The following BRSK2 variants were observed in gnomAD, a reference collection of about 807,000 sequenced individuals.
The protein encoded by BRSK2 is serine/threonine-protein kinase BRSK2.
In BRSK2, 19 loss-of-function variants were observed where a neutral mutation model predicts 83.3. The observed-to-expected ratio is 0.23, with a 90% CI of 0.16 to 0.33. The LOEUF (loss-of-function observed/expected upper bound fraction) is 0.33. Ranked by LOEUF, BRSK2 falls within the 10% of genes least tolerant of loss-of-function variation. The probability of loss-of-function intolerance (pLI) is 1.00; values close to 1 mark genes in which losing one functional copy is unlikely to be tolerated. For missense variants in BRSK2, 798 were observed against 1,042.3 expected (o/e 0.77, Z 3.23); for synonymous variants, 519 against 435.4 (o/e 1.19, Z -2.39).
intron 14 of BRSK2, 79 bp from the exon 15 acceptor site, chr11:1,451,292 C>T: frequency 3.2e-6 from 5 of 1,550,510 alleles, no homozygotes; most frequent in Non-Finnish European, 3.6e-6. Flanking sequence ...ATGACCCTGA[C>T]CTCGGCGCAA....
chr11:1,417,620 C>T (rs1328827732), intron 1 of BRSK2, among the ~76,000 whole-genome samples: 1 of 146,918 alleles, frequency 6.8e-6, no homozygotes, highest in Non-Finnish European at 1.5e-5. Context: ...GAGAGTGGGT[C>T]ACCTGTGTCC....
chr11:1,414,014 G>A (rs1450273518), intron 1 of BRSK2, among the ~76,000 whole-genome samples: 1 of 152,252 alleles, frequency 6.6e-6, no homozygotes, highest in Non-Finnish European at 1.5e-5. Context: ...AAATAGTCAT[G>A]TGATCCCCAG....
intron 1 of BRSK2, among the ~76,000 whole-genome samples, chr11:1,402,827 G>A (rs535026621): frequency 2.1e-4 from 32 of 152,260 alleles, no homozygotes; most frequent in African/African-American, 7.5e-4. Flanking sequence ...CAGAGGAGGC[G>A]GGAGCGGCGC....
intron 12 of BRSK2, among the ~76,000 whole-genome samples, chr11:1,447,005 C>A (rs1231103334): frequency 6.6e-6 from 1 of 152,100 alleles, no homozygotes; most frequent in East Asian, 1.9e-4. Flanking sequence ...CAGCCCCAGC[C>A]CTGGCCAGAG....
chr11:1,395,892 C>G (rs1164120113), intron 1 of BRSK2, among the ~76,000 whole-genome samples: 1 of 152,204 alleles, frequency 6.6e-6, no homozygotes, highest in Non-Finnish European at 1.5e-5. Flanking sequence ...TCTGCCCGAG[C>G]AGGGAGTTGT....
Position 1,461,542 on chromosome 11 carries a change from T to G in BRSK2, c.*819T>G. The G allele has an allele frequency of 5.9e-6, 1 of 168,794 alleles. No individual in the cohort carries two copies. Among genetic ancestry groups the G allele is most frequent in the Non-Finnish European group, 1.2e-5 (1 of 80,440 alleles). 10.5% of individuals were successfully genotyped at this position (168,794 alleles called of 1,614,324 possible). Reference sequence around the variant, plus strand: ...GGCCGCTGGGCTGGGATCAGTGTTATTTATTTGCCGTTTTAATTTATGGAT... The same window carrying G: ...GGCCGCTGGGCTGGGATCAGTGTTAGTTATTTGCCGTTTTAATTTATGGAT... On this transcript the variant is annotated 3_prime_UTR_variant, in exon 20 of 20. Coordinates refer to ENST00000528841, the MANE Select transcript of BRSK2 (RefSeq NM_001256627.2).
At chr11:1,443,429 G>A (rs1434758370) in intron 7 of BRSK2, 26 bp downstream of exon 7, 3 of 1,586,760 alleles carry the variant, frequency 1.9e-6, no homozygotes, top group Non-Finnish European at 2.6e-6. Context: ...CCTCAACCCT[G>A]CCCTGGCCTC....
At chr11:1,444,849 C>G (rs1851800307) in intron 8 of BRSK2, 122 bp from the exon 9 acceptor site, 1 of 878,960 alleles carries the variant, frequency 1.1e-6, no homozygotes, top group African/African-American at 1.7e-5. Flanking sequence ...CCCCCACTCA[C>G]TTGCCCTCAC....
chr11:1,427,683 C>T (rs879515303), intron 1 of BRSK2, among the ~76,000 whole-genome samples: 3 of 152,246 alleles, frequency 2.0e-5, no homozygotes, highest in Non-Finnish European at 4.4e-5. Context: ...CCTTCCCTCT[C>T]GACAGCCAAG....
At position 1,456,695 on chromosome 11, in the gene BRSK2, G is replaced by A. The variant is rs763691915; in HGVS notation, c.1939+8G>A. On this transcript the variant is annotated splice_region_variant and intron_variant, in intron 18 of 19. Coordinates refer to ENST00000528841, the MANE Select transcript of BRSK2 (RefSeq NM_001256627.2). The stretch of plus-strand genomic sequence containing the variant: ...CGGCCCAGCACTTGTCAGGTGAGGC[G>A]GGCTCAGCTCCGGCCAACCTGCGGC... 1.0e-5 allele frequency: 16 copies of A among 1,587,292 alleles called. No homozygotes were observed. Among genetic ancestry groups the A allele is most frequent in the African/African-American group, 8.0e-5 (6 of 74,614 alleles).
At chr11:1,418,224 CTT>C (rs1335703708) in intron 1 of BRSK2, among the ~76,000 whole-genome samples, 2 of 144,738 alleles carry the variant, frequency 1.4e-5, no homozygotes. Context: ...TGTTTCTTCT[CTT>C]GAGAGTGGGT....
At chr11:1,459,388 C>T in intron 19 of BRSK2, 149 bp downstream of exon 19, 3 of 873,278 alleles carry the variant, frequency 3.4e-6, no homozygotes, top group Non-Finnish European at 3.8e-6. Context: ...CCGGCCCCAT[C>T]CTCTACCAGG....
Position 1,454,355 on chromosome 11 carries a change from A to C in BRSK2, c.1545-130A>C. On this transcript the variant is annotated intron_variant, in intron 15 of 19. Coordinates refer to ENST00000528841, the MANE Select transcript of BRSK2 (RefSeq NM_001256627.2). The surrounding 1 kb of genome is among the most constrained non-coding windows in gnomAD (Gnocchi z 5.2). ...GTCAGGGCCATGGGTTCTGGCTAGC[A>C]CTGTGGAGACAGCCGTTTCTATCAC... 1 of 1,117,590 alleles carries C rather than the reference A, an allele frequency of 8.9e-7. No individual in the cohort carries two copies. Among genetic ancestry groups the C allele is most frequent in the Admixed American group, 1.8e-5 (1 of 55,714 alleles). The allele number at this position is 1,117,590 out of a possible 1,614,324, so 69.2% of individuals were successfully genotyped here. A position where few individuals can be genotyped will look rare whatever the true frequency, so the allele number is the denominator to read the frequency against.
At chr11:1,447,686 CG>C in intron 12 of BRSK2, 1 of 929,252 alleles carries the variant, frequency 1.1e-6, no homozygotes, top group South Asian at 1.4e-5. Context: ...CTTTGTGCAG[CG>C]GCCTCAGAGC....
intron 1 of BRSK2, among the ~76,000 whole-genome samples, chr11:1,403,340 A>C (rs1486579540): frequency 6.6e-6 from 1 of 152,212 alleles, no homozygotes; most frequent in Non-Finnish European, 1.5e-5. Context: ...CGCAGGCCAC[A>C]GCGTCACTGG....
rs764345731 is a variant in BRSK2, at chr11:1,456,522, C to T, written c.1843C>T (p.Leu615Phe). The change falls in exon 17 of 20, where the codon CTC becomes TTC. Residue 615 changes from leucine (L) to phenylalanine (F), a missense_variant. Leu to Phe is a conservative substitution (Grantham distance 22). This residue lies in a region of BRSK2 where 455 missense variants were observed against 455.2 expected (regional missense o/e 1.00). Transcript: ENST00000528841. ...NGIYSVTFTL[L>F]SGPSRRFKRV... is the part of the protein sequence containing the mutation. ...CATCTACTCCGTCACCTTCACCCTG[C>T]TCTCAGGTGAGCTGGCGCCCCCAGG... 21 of 1,587,650 alleles carry T rather than the reference C, an allele frequency of 1.3e-5. No homozygotes were observed. Among genetic ancestry groups the T allele is most frequent in the Non-Finnish European group, 1.8e-5 (21 of 1,166,620 alleles).
At chr11:1,447,689 C>T (rs1852339338) in intron 12 of BRSK2, 4 of 975,506 alleles carry the variant, frequency 4.1e-6, no homozygotes, top group East Asian at 5.2e-5. Context: ...TGTGCAGCGG[C>T]CTCAGAGCCA....
rs1187816181 is a variant in BRSK2 at position 1,440,772 on chromosome 11, G to T, written c.273-16G>T. On this transcript the variant is annotated splice_polypyrimidine_tract_variant and intron_variant, in intron 3 of 19. Coordinates refer to ENST00000528841, the MANE Select transcript of BRSK2 (RefSeq NM_001256627.2). The stretch of plus-strand genomic sequence containing the variant: ...GCAGCCACAGCTGGGCGCACTGGTG[G>T]CCCCGTCTCCTGCAGGTACCTGGTG... The T allele has an allele frequency of 1.3e-6, 2 of 1,555,194 alleles. No homozygotes were observed. Among genetic ancestry groups the T allele is most frequent in the South Asian group, 2.4e-5 (2 of 84,624 alleles).
At position 1,417,627 on chromosome 11, in the gene BRSK2, G is replaced by A. The variant is rs1421362716; in HGVS notation, c.92-18413G>A. ...CTTCTCTTGAGAGTGGGTCACCTGT[G>A]TCCTGCTTCTGTTGGCTGTTTCTTC... On this transcript the variant is annotated intron_variant, in intron 1 of 19. Coordinates refer to ENST00000528841, the MANE Select transcript of BRSK2 (RefSeq NM_001256627.2). 3.4e-5 allele frequency among the ~76,000 whole-genome samples: 5 copies of A among 146,198 alleles called. No individual in the cohort carries two copies. In the East Asian group the frequency reaches 8.3e-4, roughly 24 times the overall value.
Sources: gnomAD v4.1 joint callset for allele counts (sites outside exome capture counted in the v4.1 genomes callset) on GRCh38, gnomAD v4.1.1 for gene constraint, gnomAD v4.1.1 regional missense constraint, Gnocchi (gnomAD v3.1) non-coding constraint, MANE v1.5 for transcripts, NCBI Gene and HGNC (gene_info 2026-07-23, HGNC 2026-07-21) for gene names.